Variants in GHRHR observed in about 807,000 individuals in gnomAD.
GHRHR encodes the protein growth hormone releasing hormone receptor.
Under a neutral mutation model 58.3 loss-of-function variants are expected in GHRHR, and 40 were observed. The ratio of observed to expected loss-of-function variants is 0.69; its 90% CI spans 0.53 to 0.89. GHRHR has a LOEUF of 0.89. Ranked by LOEUF, GHRHR falls within the 40% of genes least tolerant of loss-of-function variation. The pLI is 0.00. For synonymous variants in GHRHR, 249 were observed against 216.6 expected, an observed-to-expected ratio of 1.15 and a Z score of -1.31; for missense variants, 551 against 541.3, an observed-to-expected ratio of 1.02 and a Z score of -0.18.
chr7:30,970,580 C>A (rs1413009139), intron 4 of GHRHR, among the ~76,000 whole-genome samples: 3 of 152,232 alleles, frequency 2.0e-5, no homozygotes, highest in Non-Finnish European at 4.4e-5. Flanking sequence ...CACAGGAGAG[C>A]TGGGATTGGG....
intron 8 of GHRHR, 115 bp downstream of exon 8, chr7:30,974,604 G>C (rs936891797): frequency 1.2e-6 from 1 of 804,886 alleles, no homozygotes; most frequent in South Asian, 1.4e-5. Context: ...GGACTGCCCG[G>C]CTAGGATGGG....
At chr7:30,965,946 G>T (rs775322873) in intron 1 of GHRHR, among the ~76,000 whole-genome samples, 4 of 152,186 alleles carry the variant, frequency 2.6e-5, no homozygotes, top group African/African-American at 9.7e-5. Flanking sequence ...CTGAGTCCTC[G>T]GGAGGAAGCC....
At chr7:30,966,580 C>A (rs1432713897) in intron 1 of GHRHR, among the ~76,000 whole-genome samples, 2 of 152,106 alleles carry the variant, frequency 1.3e-5, no homozygotes, top group African/African-American at 2.4e-5. Flanking sequence ...AGCTCAAATG[C>A]CACCTCCCCA....
At chr7:30,975,720 C>T in intron 9 of GHRHR, 57 bp from the exon 10 acceptor site, 1 of 1,000,576 alleles carries the variant, frequency 1.0e-6, no homozygotes, top group Non-Finnish European at 1.6e-6. Flanking sequence ...CTCACCCCAG[C>T]CACCCAAGGC....
At chr7:30,976,668 T>C in intron 11 of GHRHR, 110 bp downstream of exon 11, 1 of 894,380 alleles carries the variant, frequency 1.1e-6, no homozygotes, top group Non-Finnish European at 1.8e-6. Context: ...ATGTTTTTCA[T>C]CCATCTATTC....
intron 4 of GHRHR, chr7:30,970,844 C>T (rs943514563): frequency 2.9e-5 from 15 of 509,578 alleles, no homozygotes; most frequent in Middle Eastern, 5.6e-4. Flanking sequence ...GTAGTTTCTG[C>T]GGCTGCCTCT....
At chr7:30,970,093 G>C in intron 4 of GHRHR, 129 bp downstream of exon 4, 1 of 734,740 alleles carries the variant, frequency 1.4e-6, no homozygotes, top group South Asian at 1.4e-5. Context: ...TTCCAGCAGA[G>C]AGCAGTGAAG....
chr7:30,967,678 CTTCT>C (rs1013716305), intron 1 of GHRHR, among the ~76,000 whole-genome samples: 4 of 151,424 alleles, frequency 2.6e-5, no homozygotes, highest in African/African-American at 9.8e-5. Flanking sequence ...GCCTTCCTTC[CTTCT>C]TTTCTGCCTT....
intron 3 of GHRHR, 197 bp from the exon 4 acceptor site, chr7:30,969,670 C>T: frequency 3.1e-6 from 2 of 648,404 alleles, no homozygotes; most frequent in South Asian, 1.8e-5. Context: ...ACCTTTGAAG[C>T]CAGAGAAGGA....
chr7:30,973,426 T>G (rs979715141), intron 6 of GHRHR, among the ~76,000 whole-genome samples: 3 of 152,142 alleles, frequency 2.0e-5, no homozygotes, highest in East Asian at 1.9e-4. Context: ...GGAGAGACAG[T>G]TGGCAAGGTC....
Position 30,976,567 on chromosome 7 carries a change from C to A in GHRHR, c.1104+9C>A. On this transcript the variant is annotated intron_variant, in intron 11 of 12. Transcript: ENST00000326139. Reference sequence around the variant, plus strand: ...GACTGGGTTCCTTCCAGGTGAGGGCCCCCACAGGCACTCTTTCTTTCCATT... The same window carrying A: ...GACTGGGTTCCTTCCAGGTGAGGGCACCCACAGGCACTCTTTCTTTCCATT... The A allele has an allele frequency of 1.2e-6, 2 of 1,611,894 alleles. No individual in the cohort carries two copies. The highest frequency in any genetic ancestry group is 2.2e-5 in the South Asian group (2 of 90,622).
intron 9 of GHRHR, among the ~76,000 whole-genome samples, chr7:30,975,390 C>T (rs1281526280): frequency 6.6e-6 from 1 of 152,236 alleles, no homozygotes; most frequent in Non-Finnish European, 1.5e-5. Flanking sequence ...TGCTCTCACA[C>T]ACAACACAGA....
chr7:30,972,531 G>A (rs1792500443), intron 6 of GHRHR, among the ~76,000 whole-genome samples: 2 of 152,282 alleles, frequency 1.3e-5, no homozygotes, highest in Admixed American at 6.5e-5. Flanking sequence ...TGAGAGCTAG[G>A]AGAGAACGAG....
chr7:30,974,234 C>A (rs1792533251), intron 7 of GHRHR, 96 bp downstream of exon 7: 2 of 1,358,044 alleles, frequency 1.5e-6, no homozygotes, highest in Non-Finnish European at 2.1e-6. Context: ...ACTCTGAGGC[C>A]CAGAGAAGGA....
chr7:30,973,784 G>T (rs1792521244), intron 6 of GHRHR, among the ~76,000 whole-genome samples: 1 of 152,170 alleles, frequency 6.6e-6, no homozygotes, highest in African/African-American at 2.4e-5. Context: ...TAAATTAGAA[G>T]CCAGGCTGTC....
chr7:30,975,834 G>A lies in GHRHR; in HGVS notation c.940G>A (p.Ala314Thr), dbSNP rs138492645. The change falls in exon 10 of 13, where the codon GCT (alanine) becomes ACT (threonine). Residue 314 changes from alanine to threonine, a missense_variant. Ala to Thr is a moderately conservative substitution (Grantham distance 58, BLOSUM62 0). Transcript: ENST00000326139. ...IRILVRKLEP[A>T]QGSLHTQSQY... is the part of the protein sequence containing the mutation. ...CATCCTGGTGAGGAAACTGGAGCCA[G>A]CTCAGGGCAGCCTCCATACCCAGTC... 6.8e-6 allele frequency: 11 copies of A among 1,610,678 alleles called. No homozygotes were observed. Among genetic ancestry groups the A allele is most frequent in the Non-Finnish European group, 9.3e-6 (11 of 1,176,816 alleles).
chr7:30,972,179 C>G, intron 6 of GHRHR, 84 bp downstream of exon 6: 2 of 1,500,136 alleles, frequency 1.3e-6, no homozygotes, highest in Non-Finnish European at 1.8e-6. Context: ...CGTCAGGCTT[C>G]CCTGCCCTGT....
chr7:30,968,630 C>CTCCT, intron 1 of GHRHR, among the ~76,000 whole-genome samples: 1 of 134,362 alleles, frequency 7.4e-6, no homozygotes, highest in Non-Finnish European at 1.6e-5. Flanking sequence ...CCCTCCCTCC[C>CTCCT]TCCCTCCCTC....
intron 1 of GHRHR, among the ~76,000 whole-genome samples, chr7:30,966,291 C>T (rs545136803): frequency 2.0e-3 from 309 of 151,898 alleles, no homozygotes; most frequent in African/African-American, 7.3e-3. Flanking sequence ...CCTGGTCTTA[C>T]ATCTGCTACA....
Sources: allele counts gnomAD v4.1 joint callset (sites outside exome capture counted in the v4.1 genomes callset), GRCh38; gene constraint gnomAD v4.1.1; transcripts MANE v1.5; gene names NCBI Gene and HGNC (gene_info 2026-07-23, HGNC 2026-07-21).